The following PDE4D variants were observed in gnomAD, a reference collection of about 807,000 sequenced individuals.
The protein encoded by PDE4D is 3',5'-cyclic-AMP phosphodiesterase 4D.
In PDE4D, 24 loss-of-function variants were observed where a neutral mutation model predicts 87.4. The observed-to-expected ratio is 0.27, with a 90% confidence interval of 0.20 to 0.39. PDE4D has a LOEUF of 0.39. Among genes scored for constraint, PDE4D ranks in the 10% least tolerant of loss-of-function variants. The probability of loss-of-function intolerance (pLI) is 1.00; values close to 1 mark genes in which losing one functional copy is unlikely to be tolerated. For synonymous variants in PDE4D, 384 were observed against 383.2 expected, an observed-to-expected ratio of 1.00 and a Z score of -0.02; for missense variants, 714 against 1,041.0, an observed-to-expected ratio of 0.69 and a Z score of 4.32.
intron 1 of PDE4D, chr5:59,768,368 T>C (rs1405610359): frequency 1.9e-6 from 3 of 1,598,312 alleles, no homozygotes; most frequent in Non-Finnish European, 2.5e-6. Context: ...GAAACCGATT[T>C]CCTCGCTGTC....
At chr5:59,175,833 T>C (rs55998224) in intron 5 of PDE4D, among the ~76,000 whole-genome samples, 53,497 of 146,092 alleles carry the variant, frequency 0.37, 10,630 homozygotes, top group Middle Eastern at 0.45. Context: ...TCTCATTACA[T>C]TGCCCAGGCT....
intron 1 of PDE4D, among the ~76,000 whole-genome samples, chr5:60,324,544 G>A (rs1332088884): frequency 3.3e-5 from 5 of 152,112 alleles, no homozygotes; most frequent in Non-Finnish European, 7.4e-5. Context: ...AGGCTGAGGC[G>A]GGAGAATCAC....
intron 2 of PDE4D, among the ~76,000 whole-genome samples, chr5:59,211,707 T>G (rs1015009605): frequency 6.6e-6 from 1 of 152,044 alleles, no homozygotes; most frequent in African/African-American, 2.4e-5. Context: ...ATAGCTGGTG[T>G]GAAAATACTT....
At chr5:59,417,770 T>G (rs1793849090) in intron 1 of PDE4D, among the ~76,000 whole-genome samples, 1 of 152,206 alleles carries the variant, frequency 6.6e-6, no homozygotes, top group Admixed American at 6.5e-5. Context: ...TTCTGGCAAT[T>G]GTACCACTTA....
intron 1 of PDE4D, among the ~76,000 whole-genome samples, chr5:59,642,797 G>A (rs921341532): frequency 4.4e-5 from 6 of 136,400 alleles, no homozygotes; most frequent in East Asian, 3.3e-4. Flanking sequence ...CTATAACCAC[G>A]AGAAGTCTTA....
At chr5:59,450,406 T>G (rs1798964213) in intron 1 of PDE4D, among the ~76,000 whole-genome samples, 1 of 152,126 alleles carries the variant, frequency 6.6e-6, no homozygotes, top group Admixed American at 6.6e-5. Context: ...AGGAACCTGG[T>G]GGGTCAGCAG....
chr5:58,989,776 T>C lies in PDE4D; in HGVS notation c.1431A>G (p.Leu477=), dbSNP rs1336317577. 5 of 1,606,552 alleles carry C rather than the reference T, an allele frequency of 3.1e-6. No individual in the cohort carries two copies. Among genetic ancestry groups the C allele is most frequent in the South Asian group, 2.2e-5 (2 of 89,246 alleles). The change falls in exon 10 of 15, where the codon CTA becomes CTG. Residue 477 remains leucine, a synonymous_variant. Transcript: ENST00000340635. The stretch of plus-strand genomic sequence containing the variant: ...TTACCTCCAAAGCAGGTGTAGATAA[T>C]AGCACATGAGTAGACTGGACAACAT... ...AADVVQSTHV[L]LSTPALEAVF... is the part of the protein sequence containing the mutation.
At chr5:59,207,246 A>T (rs1265649794) in intron 2 of PDE4D, among the ~76,000 whole-genome samples, 1 of 152,142 alleles carries the variant, frequency 6.6e-6, no homozygotes, top group Non-Finnish European at 1.5e-5. Context: ...ACACTGGAGC[A>T]TGGTTTTGAT....
At chr5:59,412,680 C>T (rs903463400) in intron 1 of PDE4D, among the ~76,000 whole-genome samples, 11 of 152,198 alleles carry the variant, frequency 7.2e-5, no homozygotes, top group African/African-American at 2.7e-4. Context: ...CAATCTTTGA[C>T]TTGATCCCCT....
At chr5:59,584,661 T>C (rs1824798286) in intron 1 of PDE4D, among the ~76,000 whole-genome samples, 1 of 152,160 alleles carries the variant, frequency 6.6e-6, no homozygotes, top group African/African-American at 2.4e-5. Context: ...AAAAAGTGCT[T>C]ATAATTGCAG....
chr5:59,892,651 G>A (rs1751123654), intron 1 of PDE4D, among the ~76,000 whole-genome samples: 1 of 152,076 alleles, frequency 6.6e-6, no homozygotes, highest in Non-Finnish European at 1.5e-5. Context: ...CTGCAATCCT[G>A]GGACCAGGCT....
chr5:59,137,070 G>A (rs764898022), intron 5 of PDE4D, among the ~76,000 whole-genome samples: 3 of 152,108 alleles, frequency 2.0e-5, no homozygotes, highest in Admixed American at 6.5e-5. Flanking sequence ...AGCATGAACC[G>A]TAGACACAAG....
intron 1 of PDE4D, among the ~76,000 whole-genome samples, chr5:60,383,702 T>C (rs1452651917): frequency 6.6e-6 from 1 of 152,220 alleles, no homozygotes; most frequent in Non-Finnish European, 1.5e-5. Flanking sequence ...TATACTATTC[T>C]GCCTCCCAGT....
At position 59,703,890 on chromosome 5, in the gene PDE4D, T is replaced by C. The variant is rs533393721; in HGVS notation, c.455+189278A>G. Among the ~76,000 whole-genome samples the C allele has an allele frequency of 3.9e-5, 6 of 152,032 alleles. No individual in the cohort carries two copies. The South Asian group carries it at 6.2e-4, about 16-fold the overall frequency. ...ACAGGTCCTGAGGGAACCAAGAAAA[T>C]GTCAGTTACATGGCTCTGATGCAAA... is the stretch of plus-strand genomic sequence containing the variant. On this transcript the variant is annotated intron_variant, in intron 1 of 14. Coordinates refer to ENST00000340635, the MANE Select transcript of PDE4D (RefSeq NM_001104631.2).
At chr5:60,434,467 AG>A (rs1744607985) in intron 1 of PDE4D, among the ~76,000 whole-genome samples, 1 of 152,114 alleles carries the variant, frequency 6.6e-6, no homozygotes, top group South Asian at 2.1e-4. Context: ...GTGTTTTAAA[AG>A]GCAGAGTCAG....
chr5:59,640,787 C>A (rs571882602), intron 1 of PDE4D, among the ~76,000 whole-genome samples: 2 of 152,298 alleles, frequency 1.3e-5, no homozygotes, highest in South Asian at 4.1e-4. Context: ...ACCTCTTGCA[C>A]AGAAAACAAA....
At chr5:60,483,281 A>T (rs539999291) in intron 1 of PDE4D, among the ~76,000 whole-genome samples, 1 of 152,310 alleles carries the variant, frequency 6.6e-6, no homozygotes, top group African/African-American at 2.4e-5. Context: ...CTCCCACCTC[A>T]GCATCCCAAG....
At chr5:59,778,242 C>A (rs1181769537) in intron 1 of PDE4D, among the ~76,000 whole-genome samples, 1 of 152,142 alleles carries the variant, frequency 6.6e-6, no homozygotes, top group African/African-American at 2.4e-5. Flanking sequence ...AGATTCACTA[C>A]CACACTATTG....
At position 59,038,855 on chromosome 5, in the gene PDE4D, T is replaced by C; in HGVS notation, c.921+4A>G. The C allele has an allele frequency of 6.5e-7, 1 of 1,540,204 alleles. No individual in the cohort carries two copies. The highest frequency in any genetic ancestry group is 8.8e-7 in the Non-Finnish European group (1 of 1,141,722). On this transcript the variant is annotated splice_donor_region_variant and intron_variant, in intron 6 of 14. Transcript: ENST00000340635. ...GCACCAGTGACAGCAGAACCGGGGC[T>C]TACCTTGTTGGAGGCCATCTCACTG... is the stretch of plus-strand genomic sequence containing the variant.
Sources: allele counts gnomAD v4.1 joint callset (sites outside exome capture counted in the v4.1 genomes callset), GRCh38; gene constraint gnomAD v4.1.1; transcripts MANE v1.5; gene names NCBI Gene and HGNC (gene_info 2026-07-23, HGNC 2026-07-21).